RNF6: variants seen among roughly 807,000 people sequenced by gnomAD.
RNF6 encodes the protein E3 ubiquitin-protein ligase RNF6.
RNF6 carries 21 observed loss-of-function variants against 50.1 expected under a neutral mutation model. The ratio of observed to expected loss-of-function variants is 0.42; its 90% CI spans 0.30 to 0.60. RNF6 has a LOEUF of 0.60. RNF6 is among the 20% of genes least tolerant of loss of function. The probability of loss-of-function intolerance (pLI) is 0.20; values close to 1 mark genes in which losing one functional copy is unlikely to be tolerated. For synonymous variants in RNF6, 255 were observed against 291.8 expected (o/e 0.87, Z 1.29); for missense variants, 698 against 838.2 (o/e 0.83, Z 2.07).
At chr13:26,144,125 G>A (rs1486303921) in intron 5 of RNF6, among the ~76,000 whole-genome samples, 1 of 149,616 alleles carries the variant, frequency 6.7e-6, no homozygotes, top group African/African-American at 2.5e-5. Context: ...GGCACATTGG[G>A]CACTCAGTGA....
chr13:26,151,642 G>A (rs890394054), intron 5 of RNF6, among the ~76,000 whole-genome samples: 2 of 145,948 alleles, frequency 1.4e-5, no homozygotes, highest in Non-Finnish European at 3.0e-5. Flanking sequence ...TTTGGCAGAG[G>A]AGACATTTTT....
chr13:26,221,881 C>G (rs988950098), intron 1 of RNF6, 122 bp downstream of exon 1: 1 of 152,294 alleles, frequency 6.6e-6, no homozygotes, highest in African/African-American at 2.4e-5. Context: ...CACCAGCCAG[C>G]GGAGCGCAAT....
downstream of RNF6, among the ~76,000 whole-genome samples, chr13:26,211,372 C>G (rs1045821714): frequency 6.6e-6 from 1 of 152,112 alleles, no homozygotes; most frequent in Non-Finnish European, 1.5e-5. Flanking sequence ...TTTCTGTATC[C>G]TTACTTTTTT....
chr13:26,146,521 G>A (rs1871253227), intron 5 of RNF6, among the ~76,000 whole-genome samples: 1 of 152,192 alleles, frequency 6.6e-6, no homozygotes, highest in South Asian at 2.1e-4. Flanking sequence ...ATTTCTCACA[G>A]TCATGGTGAA....
At chr13:26,177,346 C>T (rs543828918) in intron 5 of RNF6, among the ~76,000 whole-genome samples, 2 of 152,170 alleles carry the variant, frequency 1.3e-5, no homozygotes, top group Non-Finnish European at 2.9e-5. Flanking sequence ...ACCACTTTGC[C>T]AAGGTCACCA....
intron 5 of RNF6, among the ~76,000 whole-genome samples, chr13:26,176,520 T>G (rs1171956382): frequency 6.6e-6 from 1 of 152,238 alleles, no homozygotes; most frequent in Non-Finnish European, 1.5e-5. Context: ...TATGTTGACA[T>G]CCTGACCCCT....
At chr13:26,192,951 A>G (rs1265376606) in intron 5 of RNF6, among the ~76,000 whole-genome samples, 1 of 152,320 alleles carries the variant, frequency 6.6e-6, no homozygotes, top group East Asian at 1.9e-4. Context: ...AGTTTGCAGT[A>G]ATTTGTTACA....
At position 26,215,208 on chromosome 13, in the gene RNF6, G is replaced by C. The variant is rs1869738533; in HGVS notation, c.674C>G (p.Ala225Gly). The C allele has an allele frequency of 1.2e-6, 2 of 1,614,054 alleles. No individual in the cohort carries two copies. The highest frequency in any genetic ancestry group is 1.7e-6 in the Non-Finnish European group (2 of 1,180,050). ...TCCCAATGTTGAGAAAGATCCTTCA[G>C]CTGGATTTTGCCCCCTTGAAGCAAG... ...TRLASRGQNP[A>G]EGSFSTLGRL... The change falls in exon 5 of 5, where the codon GCT (alanine) becomes GGT (glycine). Residue 225 changes from alanine to glycine, a missense_variant. Coordinates refer to ENST00000381588, the MANE Select transcript of RNF6 (RefSeq NM_005977.4).
chr13:26,137,831 AAAAC>A (rs1870731726), intron 5 of RNF6, among the ~76,000 whole-genome samples: 1 of 152,040 alleles, frequency 6.6e-6, no homozygotes, highest in African/African-American at 2.4e-5. Context: ...AAAATTAAGA[AAAAC>A]AAACAGTCTT....
chr13:26,192,965 C>T (rs185635425), intron 5 of RNF6, among the ~76,000 whole-genome samples: 1 of 152,294 alleles, frequency 6.6e-6, no homozygotes, highest in East Asian at 1.9e-4. Context: ...TGTTACACAG[C>T]AATAGATAAC....
chr13:26,214,268 T>A lies in RNF6; in HGVS notation c.1614A>T (p.Gln538His), dbSNP rs1334486131. 1 of 1,614,182 alleles carries A rather than the reference T, an allele frequency of 6.2e-7. No homozygotes were observed. Among genetic ancestry groups the A allele is most frequent in the Admixed American group, 1.7e-5 (1 of 60,022 alleles). ...TGCTGTCTCCTTGGGCCTGCCTGTCTTGAGAGGAACCTTCCCTGTGCTGGC... is the reference window on the plus strand; with the variant it reads ...TGCTGTCTCCTTGGGCCTGCCTGTCATGAGAGGAACCTTCCCTGTGCTGGC... The part of the protein sequence containing the change: ...NRSQHREGSS[Q>H]DRQAQGDSTE... The change falls in exon 5 of 5, where the codon CAA becomes CAT. Residue 538 changes from glutamine (Q) to histidine (H), a missense_variant. Physicochemically the swap from Gln to His is conservative, Grantham distance 24. Transcript: ENST00000381588.
chr13:26,174,795 TG>T (rs1872872928), intron 5 of RNF6, among the ~76,000 whole-genome samples: 1 of 152,154 alleles, frequency 6.6e-6, no homozygotes, highest in Non-Finnish European at 1.5e-5. Flanking sequence ...TGTAAAATCC[TG>T]GCAGTTGAGG....
intron 3 of RNF6, chr13:26,219,213 A>G (rs1252699262): frequency 2.7e-6 from 1 of 366,744 alleles, no homozygotes; most frequent in African/African-American, 2.1e-5. Flanking sequence ...CATTATGTAC[A>G]TTAACCTGTT....
chr13:26,177,529 T>A (rs564683815), intron 5 of RNF6, among the ~76,000 whole-genome samples: 24 of 152,348 alleles, frequency 1.6e-4, no homozygotes, highest in Admixed American at 1.4e-3. Flanking sequence ...CTATCTATAA[T>A]TCAACACACA....
chr13:26,138,084 C>T (rs1870742709), intron 5 of RNF6, among the ~76,000 whole-genome samples: 1 of 152,014 alleles, frequency 6.6e-6, no homozygotes, highest in African/African-American at 2.4e-5. Flanking sequence ...AAGGCAAAGC[C>T]AAGAGAATCT....
At chr13:26,171,678 T>A (rs1264884664) in intron 5 of RNF6, among the ~76,000 whole-genome samples, 1 of 152,198 alleles carries the variant, frequency 6.6e-6, no homozygotes, top group African/African-American at 2.4e-5. Flanking sequence ...GGATGAAATG[T>A]GGTACAAAAA....
chr13:26,219,639 G>A lies in RNF6; in HGVS notation c.11C>T (p.Ser4Phe). 6.2e-7 allele frequency: 1 copy of A among 1,613,068 alleles called. No homozygotes were observed. The highest frequency in any genetic ancestry group is 8.5e-7 in the Non-Finnish European group (1 of 1,179,812). The part of the protein sequence containing the change: MNQ[S>F]RSRSDGGSEE... ...ACTGCCACCATCTGATCTCGATCTA[G>A]ACTGATTCATCCTGAGATTCCTGGC... Residue 4 changes from serine to phenylalanine, a missense_variant, in exon 3 of 5, where the codon TCT becomes TTT. By Grantham distance (155) the Ser-to-Phe change is radical. Coordinates refer to ENST00000381588, the MANE Select transcript of RNF6 (RefSeq NM_005977.4).
At chr13:26,195,682 A>C (rs1868632341) in intron 5 of RNF6, among the ~76,000 whole-genome samples, 1 of 152,190 alleles carries the variant, frequency 6.6e-6, no homozygotes, top group African/African-American at 2.4e-5. Flanking sequence ...AAGATAACAC[A>C]ATTAGTAAAT....
intron 5 of RNF6, among the ~76,000 whole-genome samples, chr13:26,171,659 C>T (rs1410983487): frequency 1.3e-5 from 2 of 152,138 alleles, no homozygotes; most frequent in Admixed American, 6.5e-5. Context: ...TGTCCATCAG[C>T]AGATGAATGG....
Sources: gnomAD v4.1 joint callset for allele counts (sites outside exome capture counted in the v4.1 genomes callset) on GRCh38, gnomAD v4.1.1 for gene constraint, MANE v1.5 for transcripts, NCBI Gene and HGNC (gene_info 2026-07-23, HGNC 2026-07-21) for gene names.